Variants in SEMA6D observed in about 807,000 individuals in gnomAD.
SEMA6D encodes the protein semaphorin-6D.
A neutral mutation model predicts 106.6 loss-of-function variants in SEMA6D; 35 were observed. That is an observed-to-expected ratio of 0.33 (90% confidence interval 0.25 to 0.44). SEMA6D has a LOEUF of 0.44. Ranked by LOEUF, SEMA6D falls within the 20% of genes least tolerant of loss-of-function variation. The pLI, the probability that SEMA6D is intolerant of heterozygous loss-of-function variation, is 1.00. For missense variants in SEMA6D, 1,185 were observed against 1,345.9 expected (o/e 0.88, Z 1.87); for synonymous variants, 499 against 487.7 (o/e 1.02, Z -0.31).
At chr15:47,687,492 A>G (rs887765039) in intron 4 of SEMA6D, among the ~76,000 whole-genome samples, 2 of 152,230 alleles carry the variant, frequency 1.3e-5, no homozygotes, top group Non-Finnish European at 2.9e-5. Context: ...TAAGTGAAGC[A>G]GAGAAATAGA....
chr15:47,332,710 G>T (rs868264714), intron 1 of SEMA6D, among the ~76,000 whole-genome samples: 1 of 152,172 alleles, frequency 6.6e-6, no homozygotes, highest in Non-Finnish European at 1.5e-5. Context: ...ATGCCTGGCC[G>T]TGATCTTAAG....
intron 1 of SEMA6D, among the ~76,000 whole-genome samples, chr15:47,240,550 CT>C (rs2032841004): frequency 6.6e-6 from 1 of 152,094 alleles, no homozygotes; most frequent in Admixed American, 6.6e-5. Context: ...AGCATTTAGT[CT>C]CTATGATTTT....
At chr15:47,544,299 C>T (rs926355715) in intron 3 of SEMA6D, among the ~76,000 whole-genome samples, 1 of 152,066 alleles carries the variant, frequency 6.6e-6, no homozygotes, top group Non-Finnish European at 1.5e-5. Flanking sequence ...ATTTTGATGA[C>T]AACATCAGCA....
chr15:47,294,439 A>G (rs7167198), intron 1 of SEMA6D, among the ~76,000 whole-genome samples: 3,429 of 152,132 alleles, frequency 0.023, 50 homozygotes, highest in Non-Finnish European at 0.033. Context: ...GGCCAGGCTG[A>G]TCTCAAATTC....
chr15:47,431,381 C>T (rs1421279866), intron 2 of SEMA6D, among the ~76,000 whole-genome samples: 5 of 152,068 alleles, frequency 3.3e-5, no homozygotes, highest in South Asian at 4.1e-4. Flanking sequence ...AAACAGTTCC[C>T]TTCCCATTTC....
chr15:47,616,896 G>A (rs1162201746), intron 4 of SEMA6D, among the ~76,000 whole-genome samples: 1 of 152,150 alleles, frequency 6.6e-6, no homozygotes, highest in Admixed American at 6.5e-5. Context: ...CATATGTTGA[G>A]AAGTATTTTC....
chr15:47,253,067 T>C (rs1332474443), intron 1 of SEMA6D, among the ~76,000 whole-genome samples: 1 of 152,198 alleles, frequency 6.6e-6, no homozygotes, highest in African/African-American at 2.4e-5. Context: ...CATTATTCCC[T>C]GACTTTATGA....
chr15:47,510,836 T>C (rs529428019), intron 3 of SEMA6D, among the ~76,000 whole-genome samples: 1 of 152,176 alleles, frequency 6.6e-6, no homozygotes, highest in Non-Finnish European at 1.5e-5. Flanking sequence ...GGGAGACTCA[T>C]CTGTGGACCT....
chr15:47,196,379 C>T (rs1332686574), intron 1 of SEMA6D, among the ~76,000 whole-genome samples: 2 of 152,046 alleles, frequency 1.3e-5, no homozygotes, highest in Non-Finnish European at 2.9e-5. Flanking sequence ...GAAGGGGCTG[C>T]AACATTTTGG....
At chr15:47,323,379 C>T (rs1035567265) in intron 1 of SEMA6D, among the ~76,000 whole-genome samples, 3 of 152,060 alleles carry the variant, frequency 2.0e-5, no homozygotes, top group Non-Finnish European at 4.4e-5. Context: ...TATTAAGTGA[C>T]AGAAAGAAAG....
chr15:47,740,724 C>T (rs1352767065), intron 1 of SEMA6D, among the ~76,000 whole-genome samples: 1 of 152,148 alleles, frequency 6.6e-6, no homozygotes. Context: ...CAAGCAAGAG[C>T]ACCTGAGCAG....
At chr15:47,718,767 A>T (rs918618814) in intron 1 of SEMA6D, 1 of 152,232 alleles carries the variant, frequency 6.6e-6, no homozygotes, top group African/African-American at 2.4e-5. Context: ...AATAAGGAAG[A>T]GTCAATTTTG....
intron 1 of SEMA6D, among the ~76,000 whole-genome samples, chr15:47,370,188 A>C (rs2039216841): frequency 6.6e-6 from 1 of 152,180 alleles, no homozygotes; most frequent in South Asian, 2.1e-4. Context: ...AGGGCTTGTC[A>C]GGTTTATGAT....
chr15:47,405,521 G>T (rs1405679964), intron 1 of SEMA6D, among the ~76,000 whole-genome samples: 4 of 152,144 alleles, frequency 2.6e-5, no homozygotes, highest in Admixed American at 2.0e-4. Flanking sequence ...ACTAGCCTGA[G>T]GAGTCCAGGA....
At chr15:47,377,151 G>A (rs1429465520) in intron 1 of SEMA6D, among the ~76,000 whole-genome samples, 1 of 152,042 alleles carries the variant, frequency 6.6e-6, no homozygotes, top group Non-Finnish European at 1.5e-5. Flanking sequence ...TTTTAAATGA[G>A]CAAATTAATA....
At chr15:47,435,362 C>T (rs2041668111) in intron 2 of SEMA6D, among the ~76,000 whole-genome samples, 1 of 152,124 alleles carries the variant, frequency 6.6e-6, no homozygotes, top group African/African-American at 2.4e-5. Context: ...TCACTCTACT[C>T]TGTCACCATC....
chr15:47,578,946 T>G (rs1255096141), intron 3 of SEMA6D, among the ~76,000 whole-genome samples: 4 of 152,012 alleles, frequency 2.6e-5, no homozygotes, highest in African/African-American at 9.7e-5. Context: ...CCACCTATCT[T>G]GCATATGTGG....
chr15:47,725,537 C>T (rs926099011), intron 1 of SEMA6D, among the ~76,000 whole-genome samples: 1 of 152,074 alleles, frequency 6.6e-6, no homozygotes, highest in Non-Finnish European at 1.5e-5. Context: ...CCCCAGTCCC[C>T]CACTTTCCCA....
chr15:47,386,948 G>A (rs1037659573), intron 1 of SEMA6D, among the ~76,000 whole-genome samples: 2 of 152,214 alleles, frequency 1.3e-5, no homozygotes, highest in Non-Finnish European at 2.9e-5. Flanking sequence ...CAGTGGCAAC[G>A]ACGCTGCCCC....
Sources: allele counts gnomAD v4.1 joint callset (sites outside exome capture counted in the v4.1 genomes callset), GRCh38; gene constraint gnomAD v4.1.1; transcripts MANE v1.5; gene names NCBI Gene and HGNC (gene_info 2026-07-23, HGNC 2026-07-21).